The following CNNM4 variants were observed in gnomAD, a reference collection of about 807,000 sequenced individuals.
CNNM4 encodes the protein cyclin and CBS domain divalent metal cation transport mediator 4.
In CNNM4, 32 loss-of-function variants were observed where a neutral mutation model predicts 53.7. That is an observed-to-expected ratio of 0.60 (90% confidence interval 0.45 to 0.80). The LOEUF is 0.80. Among genes scored for constraint, CNNM4 ranks in the 30% least tolerant of loss-of-function variants. The pLI is 0.00. For missense variants in CNNM4, 784 were observed against 1,022.0 expected (o/e 0.77, Z 3.17); for synonymous variants, 410 against 440.0 (o/e 0.93, Z 0.85).
intron 1 of CNNM4, chr2:96,788,613 G>C (rs985495432): frequency 6.6e-6 from 1 of 152,420 alleles, no homozygotes; most frequent in Non-Finnish European, 1.5e-5. Context: ...CTTGGGTGAA[G>C]GGAGGAAAGA....
At position 96,810,409 on chromosome 2, in the gene CNNM4, CA is replaced by C. The variant is rs2079247238; in HGVS notation, c.*895del. 1 of 152,646 alleles carries C rather than the reference CA, an allele frequency of 6.6e-6. No homozygotes were observed. The highest frequency in any genetic ancestry group is 2.4e-5 in the African/African-American group (1 of 41,448). 9.5% of individuals were successfully genotyped at this position (152,646 alleles called of 1,614,324 possible). On this transcript the variant is annotated 3_prime_UTR_variant, in exon 7 of 7. Transcript: ENST00000377075. The surrounding 1 kb of genome is among the most constrained non-coding windows in gnomAD (Gnocchi z 4.1). ...CCCCAGGCCCTGCCCTCACTTTTAC[CA>C]AAGGTTCTCCCTCGGCGGGAGGGCA...
intron 1 of CNNM4, among the ~76,000 whole-genome samples, chr2:96,772,474 G>A (rs7580949): frequency 0.06 from 5,722 of 94,758 alleles, 524 homozygotes; most frequent in African/African-American, 0.22. Context: ...AGGCAGGCTC[G>A]CTCTCACCCA....
intron 1 of CNNM4, 26 bp from the exon 2 acceptor site, chr2:96,796,986 G>T: frequency 6.2e-7 from 1 of 1,611,608 alleles, no homozygotes; most frequent in Non-Finnish European, 8.5e-7. Flanking sequence ...CTGGGCTCTT[G>T]TCTGACTTGC....
At chr2:96,763,119 G>A (rs2078781068) in intron 1 of CNNM4, among the ~76,000 whole-genome samples, 1 of 152,138 alleles carries the variant, frequency 6.6e-6, no homozygotes, top group South Asian at 2.1e-4. Flanking sequence ...TAGCGCTTTC[G>A]ACTATTCAGC....
chr2:96,761,939 T>A lies in CNNM4; in HGVS notation c.940T>A (p.Phe314Ile), dbSNP rs1409249674. 1 of 1,614,188 alleles carries A rather than the reference T, an allele frequency of 6.2e-7. No homozygotes were observed. Among genetic ancestry groups the A allele is most frequent in the East Asian group, 2.2e-5 (1 of 44,884 alleles). The change falls in exon 1 of 7, where the codon TTC becomes ATC. Residue 314 changes from phenylalanine to isoleucine, a missense_variant. Coordinates refer to ENST00000377075, the MANE Select transcript of CNNM4 (RefSeq NM_020184.4). This position sits in a 1 kb window ranked among gnomAD's most constrained non-coding sequence, Gnocchi z 6.0. ...CACCAAATTCTTTATGCTACTCACC[T>A]TCCCCCTCAGTTTTCCCATTAGCAA... ...LLTKFFMLLT[F>I]PLSFPISKLL...
chr2:96,761,157 G>A lies in CNNM4; in HGVS notation c.158G>A (p.Ser53Asn). 1 of 1,608,966 alleles carries A rather than the reference G, an allele frequency of 6.2e-7. No homozygotes were observed. The highest frequency in any genetic ancestry group is 1.1e-5 in the South Asian group (1 of 90,760). Reference protein sequence around the residue: ...QGTIVGMRLASCNKSCGTNPD... With the variant: ...QGTIVGMRLANCNKSCGTNPD... ...ACGATCGTGGGCATGAGGCTGGCGA[G>A]CTGCAACAAGTCGTGTGGGACGAAC... The change falls in exon 1 of 7, where the codon AGC becomes AAC. Residue 53 changes from serine to asparagine, a missense_variant. Physicochemically the swap from Ser to Asn is conservative, Grantham distance 46. This residue lies in a region of CNNM4 where 473 missense variants were observed against 624.6 expected (regional missense o/e 0.76). Transcript: ENST00000377075. This position sits in a 1 kb window ranked among gnomAD's most constrained non-coding sequence, Gnocchi z 6.0.
At chr2:96,798,107 T>G (rs950165402) in intron 3 of CNNM4, among the ~76,000 whole-genome samples, 1 of 151,842 alleles carries the variant, frequency 6.6e-6, no homozygotes, top group Non-Finnish European at 1.5e-5. Flanking sequence ...CAGTTGCATG[T>G]CTGTGGTCCC....
At chr2:96,788,853 G>C (rs2079036761) in intron 1 of CNNM4, 2 of 152,226 alleles carry the variant, frequency 1.3e-5, no homozygotes, top group Non-Finnish European at 2.9e-5. Context: ...GTCTGCTCTG[G>C]GGCCCCTGGC....
Position 96,765,940 on chromosome 2 carries a change from C to A in CNNM4, c.1402+3539C>A, listed in dbSNP as rs570176279. 5.9e-5 allele frequency among the ~76,000 whole-genome samples: 9 copies of A among 151,316 alleles called. No homozygotes were observed. In the East Asian group the frequency reaches 1.2e-3, roughly 20 times the overall value. ...CTGGGATTACAGGCGCCCGCCACCA[C>A]GCCCGGCTATTTTTTGTATTTTTAG... On this transcript the variant is annotated intron_variant, in intron 1 of 6. Coordinates refer to ENST00000377075, the MANE Select transcript of CNNM4 (RefSeq NM_020184.4).
rs575549545 is a variant in CNNM4, at chr2:96,775,818, C to T, written c.1402+13417C>T. 3.3e-5 allele frequency among the ~76,000 whole-genome samples: 5 copies of T among 152,240 alleles called. No individual in the cohort carries two copies. In the East Asian group the frequency reaches 9.6e-4, roughly 29 times the overall value. ...ACAGCTCACTGCAGCCCCCACCTCC[C>T]AGGCTCAAGCAGTCCTCCCACCTCA... On this transcript the variant is annotated intron_variant, in intron 1 of 6. Transcript: ENST00000377075.
rs376268061 is a variant in CNNM4 at position 96,799,264 on chromosome 2, C to G, written c.1851+38C>G. 5.3e-4 allele frequency: 860 copies of G among 1,612,160 alleles called. 2 individuals carry two copies. Among genetic ancestry groups the G allele is most frequent in the Middle Eastern group, 1.8e-3 (11 of 6,060 alleles). ...AGCCCTGGGCCTGCCACCTGCTCCC[C>G]CTGGCACTGCAGCAACCCCCAGGCC... is the stretch of plus-strand genomic sequence containing the variant. On this transcript the variant is annotated intron_variant, in intron 4 of 6. Coordinates refer to ENST00000377075, the MANE Select transcript of CNNM4 (RefSeq NM_020184.4).
chr2:96,786,273 C>A (rs1309309256), intron 1 of CNNM4, among the ~76,000 whole-genome samples: 1 of 150,398 alleles, frequency 6.6e-6, no homozygotes, highest in Non-Finnish European at 1.5e-5. Context: ...AAAAATTAGC[C>A]AGGAATGGTG....
chr2:96,795,595 C>A (rs1574076965), intron 1 of CNNM4, among the ~76,000 whole-genome samples: 1 of 152,104 alleles, frequency 6.6e-6, no homozygotes, highest in East Asian at 1.9e-4. Flanking sequence ...CTTAACAGCC[C>A]ATCTTGGGCT....
chr2:96,779,872 G>C (rs933068178), intron 1 of CNNM4, among the ~76,000 whole-genome samples: 1 of 150,456 alleles, frequency 6.6e-6, no homozygotes, highest in Non-Finnish European at 1.5e-5. Flanking sequence ...GTGTGATCTC[G>C]GCTCACTGCA....
intron 1 of CNNM4, among the ~76,000 whole-genome samples, chr2:96,786,679 C>T (rs114552737): frequency 0.018 from 2,600 of 147,818 alleles, 60 homozygotes; most frequent in East Asian, 0.051. Context: ...TTTGGGAGGC[C>T]GAGGCATGAG....
chr2:96,811,806 CAA>C lies in CNNM4; in HGVS notation c.*2290_*2291del, dbSNP rs1251640188. Reference sequence around the variant, plus strand: ...GACTCTTGTGTCTTTTGTCACAAAACAATGATATTTGCTAAACGATATATGGA... The same window carrying C: ...GACTCTTGTGTCTTTTGTCACAAAACTGATATTTGCTAAACGATATATGGA... On this transcript the variant is annotated 3_prime_UTR_variant, in exon 7 of 7. Transcript: ENST00000377075. 1.3e-5 allele frequency: 2 copies of C among 152,564 alleles called. No homozygotes were observed. Among genetic ancestry groups the C allele is most frequent in the Non-Finnish European group, 2.9e-5 (2 of 68,030 alleles). 9.5% of individuals were successfully genotyped at this position (152,564 alleles called of 1,614,324 possible).
intron 1 of CNNM4, among the ~76,000 whole-genome samples, chr2:96,782,470 T>A (rs2078983172): frequency 6.6e-6 from 1 of 152,140 alleles, no homozygotes; most frequent in South Asian, 2.1e-4. Flanking sequence ...AGACTATAAT[T>A]GTTTTCCCGC....
At chr2:96,804,645 C>A (rs1346137427) in intron 5 of CNNM4, among the ~76,000 whole-genome samples, 5 of 152,070 alleles carry the variant, frequency 3.3e-5, no homozygotes, top group Non-Finnish European at 5.9e-5. Flanking sequence ...TCGTGATCCA[C>A]CCGCCTCGGC....
In CNNM4 at chr2:96,762,360, A is replaced by G. The variant is rs1435989784; in HGVS notation, c.1361A>G (p.His454Arg). Residue 454 changes from histidine to arginine, a missense_variant, in exon 1 of 7, where the codon CAT becomes CGT. Transcript: ENST00000377075. ...AACCACCCGGTGCACTTTGTCTTCC[A>G]TGACACCAAGTTGGATGCCATGCTG... is the stretch of plus-strand genomic sequence containing the variant. ...FYNHPVHFVF[H>R]DTKLDAMLEE... 2 of 1,614,172 alleles carry G rather than the reference A, an allele frequency of 1.2e-6. No homozygotes were observed. The highest frequency in any genetic ancestry group is 2.2e-5 in the East Asian group (1 of 44,884).
Sources: gnomAD v4.1 joint callset for allele counts (sites outside exome capture counted in the v4.1 genomes callset) on GRCh38, gnomAD v4.1.1 for gene constraint, gnomAD v4.1.1 regional missense constraint, Gnocchi (gnomAD v3.1) non-coding constraint, MANE v1.5 for transcripts, NCBI Gene and HGNC (gene_info 2026-07-23, HGNC 2026-07-21) for gene names.